Variants in CYLD observed in about 807,000 individuals in gnomAD.
CYLD encodes the protein ubiquitin carboxyl-terminal hydrolase CYLD.
In CYLD, 26 loss-of-function variants were observed where a neutral mutation model predicts 104.5. The ratio of observed to expected loss-of-function variants is 0.25; its 90% CI spans 0.18 to 0.35. The LOEUF (loss-of-function observed/expected upper bound fraction) is 0.35. Among genes scored for constraint, CYLD ranks in the 10% least tolerant of loss-of-function variants. The probability of loss-of-function intolerance (pLI) is 1.00; values close to 1 mark genes in which losing one functional copy is unlikely to be tolerated. For synonymous variants in CYLD, 385 were observed against 399.9 expected, an observed-to-expected ratio of 0.96 and a Z score of 0.45; for missense variants, 703 against 1,136.1, an observed-to-expected ratio of 0.62 and a Z score of 5.48.
Position 50,742,854 on chromosome 16 carries a change from T to A in CYLD, c.-124+13T>A. 1 of 380,622 alleles carries A rather than the reference T, an allele frequency of 2.6e-6. No homozygotes were observed. Among genetic ancestry groups the A allele is most frequent in the South Asian group, 1.3e-4 (1 of 7,658 alleles). The allele number at this position is 380,622 out of a possible 1,614,324, so 23.6% of individuals were successfully genotyped here. A position where few individuals can be genotyped will look rare whatever the true frequency, so the allele number is the denominator to read the frequency against. On this transcript the variant is annotated intron_variant, in intron 2 of 18. Coordinates refer to ENST00000427738, the MANE Select transcript of CYLD (RefSeq NM_001378743.1). ...CCTGCTGTGACAGGTATTCTTTCTT[T>A]ATGTTTTTCTTTCATGTTAACAATC...
Position 50,794,619 on chromosome 16 carries a change from G to A in CYLD, c.2686+191G>A. 1 of 540,024 alleles carries A rather than the reference G, an allele frequency of 1.9e-6. No homozygotes were observed. The highest frequency in any genetic ancestry group is 3.3e-6 in the Non-Finnish European group (1 of 303,702). The allele number at this position is 540,024 out of a possible 1,614,324, so 33.5% of individuals were successfully genotyped here. A position where few individuals can be genotyped will look rare whatever the true frequency, so the allele number is the denominator to read the frequency against. On this transcript the variant is annotated intron_variant, in intron 18 of 18. Coordinates refer to ENST00000427738, the MANE Select transcript of CYLD (RefSeq NM_001378743.1). The surrounding 1 kb of genome is among the most constrained non-coding windows in gnomAD (Gnocchi z 4.1). Reference sequence around the variant, plus strand: ...GCTGAACTAAGGAATAATATGCTGTGTTTTTTTTTTTCCTTTTTTGAGATG... The same window carrying A: ...GCTGAACTAAGGAATAATATGCTGTATTTTTTTTTTTCCTTTTTTGAGATG...
At chr16:50,772,682 C>A (rs1202684790) in intron 5 of CYLD, among the ~76,000 whole-genome samples, 1 of 152,134 alleles carries the variant, frequency 6.6e-6, no homozygotes, top group Non-Finnish European at 1.5e-5. Context: ...TATCAGTTAG[C>A]ATGTGTGCCA....
At chr16:50,791,425 G>A (rs1971420471) in intron 14 of CYLD, 133 bp from the exon 15 acceptor site, 2 of 835,424 alleles carry the variant, frequency 2.4e-6, no homozygotes, top group Admixed American at 2.2e-5. Flanking sequence ...TCTCTCTGTT[G>A]TTCTGACTAT....
intron 12 of CYLD, chr16:50,784,721 T>C (rs1196141065): frequency 5.2e-6 from 2 of 381,696 alleles, no homozygotes; most frequent in East Asian, 1.2e-4. Context: ...GCAATTGCAG[T>C]ATGTTTAGGA....
intron 5 of CYLD, 38 bp downstream of exon 5, chr16:50,754,462 T>A: frequency 1.5e-6 from 2 of 1,375,352 alleles, no homozygotes; most frequent in Middle Eastern, 2.4e-4. Context: ...TAAGGCAAAC[T>A]TTATTTTTTA....
chr16:50,751,329 T>G (rs1187640280), intron 3 of CYLD, among the ~76,000 whole-genome samples: 1 of 152,206 alleles, frequency 6.6e-6, no homozygotes, highest in African/African-American at 2.4e-5. Context: ...TATAACCAAA[T>G]TAATGTTAGA....
In CYLD at chr16:50,760,449, G is replaced by T. The variant is rs980029155; in HGVS notation, c.913+6025G>T. On this transcript the variant is annotated intron_variant, in intron 5 of 18. Coordinates refer to ENST00000427738, the MANE Select transcript of CYLD (RefSeq NM_001378743.1). Reference sequence around the variant, plus strand: ...TTACTCCATCCTTCGTTTCTCACTAGTCACAGTTTTTATGAATTTCTTATA... The same window carrying T: ...TTACTCCATCCTTCGTTTCTCACTATTCACAGTTTTTATGAATTTCTTATA... 9.2e-5 allele frequency among the ~76,000 whole-genome samples: 14 copies of T among 151,940 alleles called. 1 individual carries two copies. Among genetic ancestry groups the T allele is most frequent in the Admixed American group, 6.6e-5 (1 of 15,266 alleles).
At chr16:50,785,162 T>C (rs1970680224) in intron 12 of CYLD, 1 of 152,140 alleles carries the variant, frequency 6.6e-6, no homozygotes, top group Middle Eastern at 3.2e-3. Flanking sequence ...TATGAAGAAT[T>C]AGGACCATAG....
In CYLD at chr16:50,796,857, G is replaced by T; in HGVS notation, c.*349G>T. On this transcript the variant is annotated 3_prime_UTR_variant, in exon 19 of 19. Transcript: ENST00000427738. ...AAGCCTCTTTTAGTCCATTGAGAAT[G>T]TAAATAAATGTGTCTTCTTTATGGA... is the stretch of plus-strand genomic sequence containing the variant. The T allele has an allele frequency of 2.8e-6, 1 of 358,440 alleles. No individual in the cohort carries two copies. Among genetic ancestry groups the T allele is most frequent in the South Asian group, 3.6e-5 (1 of 27,738 alleles). 22.2% of individuals were successfully genotyped at this position (358,440 alleles called of 1,614,324 possible). A position where few individuals can be genotyped will look rare whatever the true frequency, so the allele number is the denominator to read the frequency against.
intron 16 of CYLD, 85 bp from the exon 17 acceptor site, chr16:50,793,461 C>A: frequency 1.1e-6 from 1 of 945,240 alleles, no homozygotes; most frequent in Non-Finnish European, 1.8e-6. Context: ...CTTTTTAAAG[C>A]CTAACTTTTC....
chr16:50,764,536 C>T (rs893616559), intron 5 of CYLD, among the ~76,000 whole-genome samples: 1 of 152,170 alleles, frequency 6.6e-6, no homozygotes, highest in African/African-American at 2.4e-5. Flanking sequence ...TTCTTATATT[C>T]TTCACCAATC....
At chr16:50,795,189 T>TATG (rs1971899199) in intron 18 of CYLD, among the ~76,000 whole-genome samples, 1 of 152,246 alleles carries the variant, frequency 6.6e-6, no homozygotes, top group African/African-American at 2.4e-5. Flanking sequence ...TAACTCAGTC[T>TATG]TTCTGATCTC....
chr16:50,794,750 A>G lies in CYLD; in HGVS notation c.2686+322A>G. The G allele has an allele frequency of 2.6e-6, 1 of 387,776 alleles. No homozygotes were observed. Among genetic ancestry groups the G allele is most frequent in the Non-Finnish European group, 4.9e-6 (1 of 203,012 alleles). 24.0% of individuals were successfully genotyped at this position (387,776 alleles called of 1,614,324 possible). ...ATCCTCCCACCTCAGCCTCCTGAGT[A>G]GCTGGGACTACACGCATATGCCACC... On this transcript the variant is annotated intron_variant, in intron 18 of 18. Coordinates refer to ENST00000427738, the MANE Select transcript of CYLD (RefSeq NM_001378743.1). The surrounding 1 kb of genome is among the most constrained non-coding windows in gnomAD (Gnocchi z 4.1).
At chr16:50,786,610 A>G in intron 12 of CYLD, 1 of 401,596 alleles carries the variant, frequency 2.5e-6, no homozygotes, top group Non-Finnish European at 4.6e-6. Context: ...AAATACAAAA[A>G]TTAGCTGGAT....
At chr16:50,772,384 G>T (rs529371366) in intron 5 of CYLD, among the ~76,000 whole-genome samples, 1 of 152,244 alleles carries the variant, frequency 6.6e-6, no homozygotes, top group Admixed American at 6.5e-5. Context: ...TATATATTAT[G>T]TCTAGAGATT....
chr16:50,795,599 C>A (rs1389955197), intron 18 of CYLD: 1 of 702,964 alleles, frequency 1.4e-6, no homozygotes, highest in South Asian at 1.5e-5. Context: ...CCTCCAGTAG[C>A]CTAAGACATT....
chr16:50,795,737 A>G, intron 18 of CYLD: 2 of 618,260 alleles, frequency 3.2e-6, no homozygotes, highest in Admixed American at 2.7e-5. Context: ...CCCAGTTAAC[A>G]TTTGCACTAA....
intron 8 of CYLD, among the ~76,000 whole-genome samples, chr16:50,778,856 T>C (rs75553647): frequency 6.6e-6 from 1 of 152,104 alleles, no homozygotes; most frequent in Non-Finnish European, 1.5e-5. Context: ...AATTTTTTTT[T>C]AAAAATATGG....
rs1219298476 is a variant in CYLD, at chr16:50,775,190, G to A, written c.922+16G>A. 13 of 1,593,586 alleles carry A rather than the reference G, an allele frequency of 8.2e-6. No homozygotes were observed. Among genetic ancestry groups the A allele is most frequent in the Non-Finnish European group, 1.1e-5 (13 of 1,175,318 alleles). On this transcript the variant is annotated intron_variant, in intron 6 of 18. Coordinates refer to ENST00000427738, the MANE Select transcript of CYLD (RefSeq NM_001378743.1). The stretch of plus-strand genomic sequence containing the variant: ...GCTTTATCAGGTATGACTCCTAAGT[G>A]TCGTGTTGGACTCCACGGATGTATT...
Sources: gnomAD v4.1 joint callset for allele counts (sites outside exome capture counted in the v4.1 genomes callset) on GRCh38, gnomAD v4.1.1 for gene constraint, Gnocchi (gnomAD v3.1) non-coding constraint, MANE v1.5 for transcripts, NCBI Gene and HGNC (gene_info 2026-07-23, HGNC 2026-07-21) for gene names.